SGIP1: variants seen among roughly 807,000 people sequenced by gnomAD.
SGIP1 encodes SH3-containing GRB2-like protein 3-interacting protein 1.
A neutral mutation model predicts 107.5 loss-of-function variants in SGIP1; 38 were observed. The observed-to-expected ratio is 0.35, with a 90% CI of 0.27 to 0.46. The LOEUF is 0.46. Among genes scored for constraint, SGIP1 ranks in the 20% least tolerant of loss-of-function variants. The pLI is 1.00. For missense variants in SGIP1, 929 were observed against 1,019.5 expected (o/e 0.91, Z 1.21); for synonymous variants, 365 against 366.1 (o/e 1.00, Z 0.03).
At chr1:66,637,865 A>T (rs2076098996) in intron 4 of SGIP1, among the ~76,000 whole-genome samples, 1 of 150,732 alleles carries the variant, frequency 6.6e-6, no homozygotes, top group African/African-American at 2.4e-5. Context: ...ACACACATAC[A>T]TACACACAAA....
chr1:66,606,432 C>T (rs765975763), intron 1 of SGIP1, among the ~76,000 whole-genome samples: 3 of 152,044 alleles, frequency 2.0e-5, no homozygotes, highest in Non-Finnish European at 4.4e-5. Context: ...TTTTCTCCTT[C>T]TATTCAGCTT....
At chr1:66,738,734 A>C (rs937840756) in intron 21 of SGIP1, among the ~76,000 whole-genome samples, 2 of 152,200 alleles carry the variant, frequency 1.3e-5, no homozygotes, top group African/African-American at 2.4e-5. Flanking sequence ...CCAGGTGTGA[A>C]ATCCCAAAGG....
chr1:66,644,850 T>C (rs543426626), intron 7 of SGIP1, among the ~76,000 whole-genome samples: 1 of 152,262 alleles, frequency 6.6e-6, no homozygotes, highest in Non-Finnish European at 1.5e-5. Context: ...AATCATATAC[T>C]CCCCTGCTAC....
rs61197134 is a variant in SGIP1, at chr1:66,667,179, AC to A, written c.472-342del. On this transcript the variant is annotated intron_variant, in intron 8 of 24. Transcript: ENST00000371037. ...CAGTTTACTTCTCTATTCTCTAAGT[AC>A]CCCCCCCCAAACTATCTGGAGAAAA... 9.6e-3 allele frequency among the ~76,000 whole-genome samples: 1,434 copies of A among 148,792 alleles called. 26 individuals carry two copies. The highest frequency in any genetic ancestry group is 0.033 in the African/African-American group (1,323 of 40,538).
chr1:66,686,295 G>T (rs1320824701), intron 15 of SGIP1, among the ~76,000 whole-genome samples: 1 of 152,052 alleles, frequency 6.6e-6, no homozygotes, highest in African/African-American at 2.4e-5. Flanking sequence ...TGGTCTTCGG[G>T]GGTTGCCAAG....
chr1:66,536,949 CAAAT>C (rs1490528933), intron 1 of SGIP1, among the ~76,000 whole-genome samples: 1 of 152,132 alleles, frequency 6.6e-6, no homozygotes, highest in African/African-American at 2.4e-5. Context: ...CAAGAGTAAA[CAAAT>C]ATTCAGCAGA....
chr1:66,658,108 C>G (rs905780108), intron 7 of SGIP1, among the ~76,000 whole-genome samples: 6 of 152,232 alleles, frequency 3.9e-5, no homozygotes, highest in Non-Finnish European at 7.4e-5. Context: ...TAACCTTTAT[C>G]ATTTGTGTGT....
At chr1:66,548,142 A>C (rs546528042) in intron 1 of SGIP1, among the ~76,000 whole-genome samples, 1 of 152,150 alleles carries the variant, frequency 6.6e-6, no homozygotes, top group Non-Finnish European at 1.5e-5. Flanking sequence ...GGAGAAGGTC[A>C]TGCTTTTGCT....
chr1:66,680,418 G>A (rs1350408114), intron 14 of SGIP1, among the ~76,000 whole-genome samples: 1 of 152,210 alleles, frequency 6.6e-6, no homozygotes, highest in Non-Finnish European at 1.5e-5. Flanking sequence ...AGTAATAGCT[G>A]TTATGTGCCT....
chr1:66,645,485 G>A (rs915578889), intron 7 of SGIP1, among the ~76,000 whole-genome samples: 16 of 152,270 alleles, frequency 1.1e-4, no homozygotes, highest in South Asian at 2.1e-4. Flanking sequence ...GAAGCAGAGT[G>A]AAAACTAGAT....
intron 1 of SGIP1, among the ~76,000 whole-genome samples, chr1:66,610,300 T>TTA (rs1269383177): frequency 6.6e-6 from 1 of 152,246 alleles, no homozygotes; most frequent in Non-Finnish European, 1.5e-5. Flanking sequence ...TTCTATGTGA[T>TTA]TATATATAGT....
intron 19 of SGIP1, among the ~76,000 whole-genome samples, chr1:66,726,545 A>G (rs1226366124): frequency 1.3e-5 from 2 of 152,240 alleles, no homozygotes; most frequent in South Asian, 4.1e-4. Context: ...AAATAAATCT[A>G]TAGAACAGAA....
chr1:66,684,327 AG>A (rs2087659828), intron 15 of SGIP1: 2 of 1,299,304 alleles, frequency 1.5e-6, no homozygotes, highest in African/African-American at 3.0e-5. Flanking sequence ...GATCACCAAA[AG>A]TCTTCTCTCA....
chr1:66,637,905 C>T (rs1398494062), intron 4 of SGIP1, among the ~76,000 whole-genome samples: 1 of 150,800 alleles, frequency 6.6e-6, no homozygotes, highest in African/African-American at 2.4e-5. Flanking sequence ...TTTAGCTGAA[C>T]ATATAAGCCA....
At chr1:66,677,328 T>G (rs1303450997) in intron 13 of SGIP1, among the ~76,000 whole-genome samples, 1 of 152,244 alleles carries the variant, frequency 6.6e-6, no homozygotes, top group African/African-American at 2.4e-5. Context: ...ATCATAGCCT[T>G]TTCTGAAATC....
intron 7 of SGIP1, among the ~76,000 whole-genome samples, chr1:66,644,866 G>T (rs1012926814): frequency 6.6e-6 from 1 of 152,114 alleles, no homozygotes; most frequent in African/African-American, 2.4e-5. Flanking sequence ...GCTACTTTAA[G>T]ATGTCTTCTT....
chr1:66,595,252 C>T (rs929652998), intron 1 of SGIP1, among the ~76,000 whole-genome samples: 2 of 152,224 alleles, frequency 1.3e-5, no homozygotes, highest in African/African-American at 4.8e-5. Context: ...GTGGCAATAT[C>T]TTTGCCAGTG....
intron 1 of SGIP1, among the ~76,000 whole-genome samples, chr1:66,556,449 G>C (rs1222837276): frequency 6.6e-6 from 1 of 152,094 alleles, no homozygotes; most frequent in Non-Finnish European, 1.5e-5. Context: ...AAATGAAGTG[G>C]GCATTTGTAT....
intron 1 of SGIP1, among the ~76,000 whole-genome samples, chr1:66,565,491 C>A (rs2059517300): frequency 6.6e-6 from 1 of 151,858 alleles, no homozygotes; most frequent in Non-Finnish European, 1.5e-5. Context: ...AGGTTTCTGG[C>A]ATCAAGAAAC....
Sources: gnomAD v4.1 joint callset for allele counts (sites outside exome capture counted in the v4.1 genomes callset) on GRCh38, gnomAD v4.1.1 for gene constraint, MANE v1.5 for transcripts, NCBI Gene and HGNC (gene_info 2026-07-23, HGNC 2026-07-21) for gene names.